Variants in UTRN observed in about 807,000 individuals in gnomAD.
UTRN encodes dystrophin-related protein 1.
A neutral mutation model predicts 463.9 loss-of-function variants in UTRN; 283 were observed. The observed-to-expected ratio is 0.61, with a 90% CI of 0.55 to 0.67. The LOEUF (loss-of-function observed/expected upper bound fraction) is 0.67. Among genes scored for constraint, UTRN ranks in the 30% least tolerant of loss-of-function variants. UTRN has a pLI of 0.00. For missense variants in UTRN, 3,922 were observed against 4,084.3 expected, an observed-to-expected ratio of 0.96 and a Z score of 1.08; for synonymous variants, 1,442 against 1,431.5, an observed-to-expected ratio of 1.01 and a Z score of -0.17.
intron 2 of UTRN, among the ~76,000 whole-genome samples, chr6:144,372,535 C>G (rs1331744920): frequency 6.6e-6 from 1 of 151,614 alleles, no homozygotes; most frequent in Non-Finnish European, 1.5e-5. Context: ...TGCTTTGTCA[C>G]CCAGACTGGA....
chr6:144,330,714 G>C, intron 2 of UTRN: 1 of 614,720 alleles, frequency 1.6e-6, no homozygotes, highest in Non-Finnish European at 2.0e-6. Flanking sequence ...TCCACACCTG[G>C]CAGAGGCTCA....
chr6:144,661,051 A>G (rs1343537199), intron 51 of UTRN, among the ~76,000 whole-genome samples: 1 of 152,212 alleles, frequency 6.6e-6, no homozygotes, highest in East Asian at 1.9e-4. Flanking sequence ...CAGTCTTTAA[A>G]GAAAAAGAAA....
chr6:144,527,934 G>A (rs1796702696), intron 41 of UTRN, among the ~76,000 whole-genome samples: 1 of 151,630 alleles, frequency 6.6e-6, no homozygotes, highest in South Asian at 2.1e-4. Context: ...TTTCACTGGT[G>A]TGTCCTTGAT....
intron 53 of UTRN, among the ~76,000 whole-genome samples, chr6:144,726,466 A>T (rs958348570): frequency 6.6e-6 from 1 of 152,182 alleles, no homozygotes; most frequent in Admixed American, 6.5e-5. Context: ...CCAAGGCTCT[A>T]CTAGGTCCCA....
intron 52 of UTRN, among the ~76,000 whole-genome samples, chr6:144,683,496 T>C (rs1466014300): frequency 1.3e-5 from 2 of 152,174 alleles, no homozygotes; most frequent in East Asian, 3.9e-4. Flanking sequence ...CTTCATTGCC[T>C]ACTGAAAGTG....
chr6:144,368,842 G>A (rs910712573), intron 2 of UTRN, among the ~76,000 whole-genome samples: 9 of 152,216 alleles, frequency 5.9e-5, no homozygotes, highest in African/African-American at 1.2e-4. Flanking sequence ...TGGCAGTTTG[G>A]AAATTACAGA....
intron 54 of UTRN, among the ~76,000 whole-genome samples, chr6:144,733,202 G>T (rs1295427615): frequency 2.0e-5 from 3 of 152,110 alleles, no homozygotes; most frequent in Non-Finnish European, 4.4e-5. Flanking sequence ...CACAATCCTT[G>T]TACATTACTG....
At chr6:144,759,005 A>T (rs1480710320) in intron 58 of UTRN, among the ~76,000 whole-genome samples, 1 of 152,076 alleles carries the variant, frequency 6.6e-6, no homozygotes, top group East Asian at 1.9e-4. Flanking sequence ...CTTCCTGAAA[A>T]CGTTGTGTGA....
rs1329393229 is a variant in UTRN at position 144,660,370 on chromosome 6, T to C, written c.7480-18036T>C. 5 of 447,980 alleles carry C rather than the reference T, an allele frequency of 1.1e-5. No individual in the cohort carries two copies. The East Asian group carries it at 3.5e-4, about 31-fold the overall frequency. The allele number at this position is 447,980 out of a possible 1,614,324, so 27.8% of individuals were successfully genotyped here. On this transcript the variant is annotated intron_variant, in intron 51 of 74. Transcript: ENST00000367545. ...TTAGATAGATGCTCTATTGACTCTT[T>C]GGTGGTTTAGTATAATTTATAAGGA...
intron 23 of UTRN, among the ~76,000 whole-genome samples, chr6:144,470,318 C>T (rs1055682318): frequency 7.3e-5 from 11 of 151,288 alleles, no homozygotes; most frequent in East Asian, 3.9e-4. Flanking sequence ...GGGCGGCTGC[C>T]GGGCGGAGAC....
chr6:144,797,397 G>A (rs1235850531), intron 63 of UTRN, among the ~76,000 whole-genome samples: 2 of 152,114 alleles, frequency 1.3e-5, no homozygotes, highest in Non-Finnish European at 2.9e-5. Flanking sequence ...GTTTCACCGT[G>A]TTGCCTAGGC....
At chr6:144,762,632 C>A (rs566067705) in intron 58 of UTRN, among the ~76,000 whole-genome samples, 2 of 152,300 alleles carry the variant, frequency 1.3e-5, no homozygotes, top group East Asian at 3.9e-4. Flanking sequence ...AGGAAGATGT[C>A]ATTCCCACAG....
At chr6:144,358,091 A>G (rs965553900) in intron 2 of UTRN, among the ~76,000 whole-genome samples, 2 of 152,248 alleles carry the variant, frequency 1.3e-5, no homozygotes, top group Non-Finnish European at 2.9e-5. Flanking sequence ...AAAAATGTGG[A>G]CAATAGAAGC....
At chr6:144,492,417 C>T (rs1401943310) in intron 32 of UTRN, among the ~76,000 whole-genome samples, 1 of 152,094 alleles carries the variant, frequency 6.6e-6, no homozygotes, top group Non-Finnish European at 1.5e-5. Flanking sequence ...TATCCATTCC[C>T]CCATTGATGG....
At chr6:144,601,282 T>A (rs1162401064) in intron 51 of UTRN, among the ~76,000 whole-genome samples, 1 of 152,194 alleles carries the variant, frequency 6.6e-6, no homozygotes, top group South Asian at 2.1e-4. Context: ...ATTCCTTTGA[T>A]GGATTTGGGC....
At chr6:144,335,387 T>C (rs930507634) in intron 2 of UTRN, among the ~76,000 whole-genome samples, 4 of 152,226 alleles carry the variant, frequency 2.6e-5, no homozygotes, top group Non-Finnish European at 5.9e-5. Flanking sequence ...TGCAACTCTG[T>C]AGAGCATTTT....
At chr6:144,390,289 C>G (rs938788657) in intron 2 of UTRN, among the ~76,000 whole-genome samples, 7 of 152,174 alleles carry the variant, frequency 4.6e-5, no homozygotes, top group East Asian at 1.9e-4. Context: ...CCACCTCCCC[C>G]TTTCTTGTCT....
At chr6:144,431,207 A>G (rs1785808206) in intron 9 of UTRN, among the ~76,000 whole-genome samples, 1 of 152,114 alleles carries the variant, frequency 6.6e-6, no homozygotes, top group Non-Finnish European at 1.5e-5. Context: ...TATTTTATTT[A>G]GTTCTTATAG....
Position 144,551,093 on chromosome 6 carries a change from T to A in UTRN, c.6928+11T>A, listed in dbSNP as rs766912111. On this transcript the variant is annotated intron_variant, in intron 48 of 74. Coordinates refer to ENST00000367545, the MANE Select transcript of UTRN (RefSeq NM_007124.3). ...CAATTACAGAAAAATGTAAGTTTTTTAAAAAAAGTTATGTATTATCATCCA... is the reference window on the plus strand; with the variant it reads ...CAATTACAGAAAAATGTAAGTTTTTAAAAAAAAGTTATGTATTATCATCCA... 35 of 1,582,110 alleles carry A rather than the reference T, an allele frequency of 2.2e-5. No individual in the cohort carries two copies. The Middle Eastern group carries it at 5.2e-4, about 23-fold the overall frequency.
Sources: allele counts gnomAD v4.1 joint callset (sites outside exome capture counted in the v4.1 genomes callset), GRCh38; gene constraint gnomAD v4.1.1; transcripts MANE v1.5; gene names NCBI Gene and HGNC (gene_info 2026-07-23, HGNC 2026-07-21).